CNTNAP4: variants seen among roughly 807,000 people sequenced by gnomAD.
CNTNAP4 encodes contactin associated protein family member 4, also known as contactin-associated protein-like 4.
In CNTNAP4, 98 loss-of-function variants were observed where a neutral mutation model predicts 148.4. The observed-to-expected ratio is 0.66, with a 90% CI of 0.56 to 0.78. CNTNAP4 has a LOEUF of 0.78. Ranked by LOEUF, CNTNAP4 falls within the 30% of genes least tolerant of loss-of-function variation. CNTNAP4 has a pLI of 0.00. For missense variants in CNTNAP4, 1,935 were observed against 1,565.6 expected (o/e 1.24, Z -3.98); for synonymous variants, 730 against 565.1 (o/e 1.29, Z -4.14).
chr16:76,327,381 T>G (rs911162160), intron 2 of CNTNAP4, among the ~76,000 whole-genome samples: 8 of 152,144 alleles, frequency 5.3e-5, no homozygotes, highest in African/African-American at 1.7e-4. Context: ...AAGGAAATGG[T>G]TTTGTTGTTT....
rs117658218 is a variant in CNTNAP4, at chr16:76,356,803, G to A, written c.390+1292G>A. ...GTTTTTTGAAACTTCATAGAACTCCGTTATACATTATAAACTCATTGAAGA... is the reference window on the plus strand; with the variant it reads ...GTTTTTTGAAACTTCATAGAACTCCATTATACATTATAAACTCATTGAAGA... On this transcript the variant is annotated intron_variant, in intron 3 of 23. Coordinates refer to ENST00000611870, the MANE Select transcript of CNTNAP4 (RefSeq NM_033401.5). Among the ~76,000 whole-genome samples, 663 of 151,874 alleles carry A rather than the reference G, an allele frequency of 4.4e-3. 5 individuals carry two copies. The highest frequency in any genetic ancestry group is 0.01 in the African/African-American group (426 of 41,418).
chr16:76,483,765 T>C (rs1039781071), intron 12 of CNTNAP4, among the ~76,000 whole-genome samples: 3 of 152,184 alleles, frequency 2.0e-5, no homozygotes, highest in Non-Finnish European at 2.9e-5. Flanking sequence ...CTTGTTCAGC[T>C]CTAACGGGGT....
intron 4 of CNTNAP4, among the ~76,000 whole-genome samples, chr16:76,435,751 A>G (rs933996651): frequency 1.3e-5 from 2 of 152,092 alleles, no homozygotes; most frequent in African/African-American, 2.4e-5. Context: ...GCTCGCTCAC[A>G]GTGGGCCATC....
intron 2 of CNTNAP4, among the ~76,000 whole-genome samples, chr16:76,334,351 G>A (rs1963834648): frequency 6.6e-6 from 1 of 151,866 alleles, no homozygotes; most frequent in Non-Finnish European, 1.5e-5. Context: ...TTGCAGATTG[G>A]GTCTGTGTTG....
At chr16:76,443,560 C>T (rs916162874) in intron 4 of CNTNAP4, among the ~76,000 whole-genome samples, 1 of 152,050 alleles carries the variant, frequency 6.6e-6, no homozygotes, top group Non-Finnish European at 1.5e-5. Flanking sequence ...CATTGCACTC[C>T]AGCCTAGGTG....
At chr16:76,286,173 CAGTG>C (rs1167382620) in intron 1 of CNTNAP4, among the ~76,000 whole-genome samples, 2 of 101,106 alleles carry the variant, frequency 2.0e-5, no homozygotes, top group Non-Finnish European at 4.2e-5. Context: ...ATAGAATTAT[CAGTG>C]TGTGTGTGTG....
chr16:76,558,305 G>C, intron 23 of CNTNAP4, 185 bp from the exon 24 acceptor site: 2 of 503,766 alleles, frequency 4.0e-6, no homozygotes, highest in Non-Finnish European at 7.0e-6. Flanking sequence ...ATAGAACTCA[G>C]AAATAAACTC....
At chr16:76,447,754 G>A (rs536036359) in intron 4 of CNTNAP4, among the ~76,000 whole-genome samples, 1 of 152,274 alleles carries the variant, frequency 6.6e-6, no homozygotes, top group African/African-American at 2.4e-5. Flanking sequence ...TAATGTAAGT[G>A]TTCTGAGCAT....
intron 2 of CNTNAP4, among the ~76,000 whole-genome samples, chr16:76,354,684 G>A (rs1327146064): frequency 6.6e-6 from 1 of 152,106 alleles, no homozygotes; most frequent in Admixed American, 6.6e-5. Flanking sequence ...CAAACTGTTG[G>A]GAACAAGCTC....
intron 3 of CNTNAP4, among the ~76,000 whole-genome samples, chr16:76,415,847 T>A (rs2078955690): frequency 6.6e-6 from 1 of 151,386 alleles, no homozygotes; most frequent in East Asian, 1.9e-4. Flanking sequence ...ACAAAATATT[T>A]TTTTAATTGT....
chr16:76,441,389 C>G lies in CNTNAP4; in HGVS notation c.539-6623C>G, dbSNP rs1018100610. ...ATTTTCTATTGCAAAGCTCTTAATTCCATGGCAGATTGTATTTCTGAATTG... is the reference window on the plus strand; with the variant it reads ...ATTTTCTATTGCAAAGCTCTTAATTGCATGGCAGATTGTATTTCTGAATTG... On this transcript the variant is annotated intron_variant, in intron 4 of 23. Coordinates refer to ENST00000611870, the MANE Select transcript of CNTNAP4 (RefSeq NM_033401.5). 3.3e-5 allele frequency among the ~76,000 whole-genome samples: 5 copies of G among 152,140 alleles called. No homozygotes were observed. The South Asian group carries it at 6.2e-4, about 19-fold the overall frequency.
At chr16:76,406,441 T>C (rs1360078225) in intron 3 of CNTNAP4, among the ~76,000 whole-genome samples, 1 of 152,102 alleles carries the variant, frequency 6.6e-6, no homozygotes, top group African/African-American at 2.4e-5. Context: ...CCTCTAAGTA[T>C]TCAAGTGAAA....
In CNTNAP4 at chr16:76,398,483, G is replaced by A. The variant is rs573084721; in HGVS notation, c.391-28969G>A. On this transcript the variant is annotated intron_variant, in intron 3 of 23. Coordinates refer to ENST00000611870, the MANE Select transcript of CNTNAP4 (RefSeq NM_033401.5). ...TTTTCCAGCCATGGACACTGAGGTT[G>A]CTTTCAATTCTCAGCCACCGCACTG... 5.3e-5 allele frequency among the ~76,000 whole-genome samples: 8 copies of A among 152,274 alleles called. No individual in the cohort carries two copies. In the South Asian group the frequency reaches 1.7e-3, roughly 32 times the overall value.
chr16:76,503,136 TCTGATAG>T (rs2082715930), intron 15 of CNTNAP4, among the ~76,000 whole-genome samples: 1 of 152,122 alleles, frequency 6.6e-6, no homozygotes. Context: ...TCTGTGAAAA[TCTGATAG>T]CTAATGTCAT....
At chr16:76,303,772 C>G (rs963804937) in intron 1 of CNTNAP4, among the ~76,000 whole-genome samples, 1 of 152,128 alleles carries the variant, frequency 6.6e-6, no homozygotes, top group Admixed American at 6.6e-5. Flanking sequence ...AAACTATGGT[C>G]TTTTGGAACA....
At chr16:76,465,448 A>C (rs1297305633) in intron 9 of CNTNAP4, among the ~76,000 whole-genome samples, 1 of 152,090 alleles carries the variant, frequency 6.6e-6, no homozygotes, top group African/African-American at 2.4e-5. Flanking sequence ...AAATTCCATG[A>C]TCTTTCCTGG....
intron 16 of CNTNAP4, among the ~76,000 whole-genome samples, chr16:76,521,712 C>A (rs546728095): frequency 6.6e-6 from 1 of 152,084 alleles, no homozygotes; most frequent in Non-Finnish European, 1.5e-5. Context: ...GTTATTTTTA[C>A]GTACAATGCC....
At chr16:76,430,061 G>C (rs989562854) in intron 4 of CNTNAP4, among the ~76,000 whole-genome samples, 3 of 152,116 alleles carry the variant, frequency 2.0e-5, no homozygotes, top group African/African-American at 4.8e-5. Context: ...TACCTTATGG[G>C]AATGTATTTG....
chr16:76,387,625 C>T (rs1035330717), intron 3 of CNTNAP4, among the ~76,000 whole-genome samples: 5 of 152,008 alleles, frequency 3.3e-5, no homozygotes, highest in Non-Finnish European at 7.4e-5. Context: ...AAGCAATTGC[C>T]CTCTGAAACT....
Sources: gnomAD v4.1 joint callset for allele counts (sites outside exome capture counted in the v4.1 genomes callset) on GRCh38, gnomAD v4.1.1 for gene constraint, MANE v1.5 for transcripts, NCBI Gene and HGNC (gene_info 2026-07-23, HGNC 2026-07-21) for gene names.